TAFA5: variants seen among roughly 807,000 people sequenced by gnomAD.
The protein encoded by TAFA5 is TAFA chemokine like family member 5, also known as chemokine-like protein TAFA-5.
In TAFA5, 6 loss-of-function variants were observed where a neutral mutation model predicts 15.3. The ratio of observed to expected loss-of-function variants is 0.39; its 90% CI spans 0.21 to 0.77. The LOEUF is 0.77. Ranked by LOEUF, TAFA5 falls within the 30% of genes least tolerant of loss-of-function variation. The pLI, the probability that TAFA5 is intolerant of heterozygous loss-of-function variation, is 0.41. For missense variants in TAFA5, 161 were observed against 193.1 expected (o/e 0.83, Z 0.98); for synonymous variants, 103 against 80.7 (o/e 1.28, Z -1.48).
chr22:48,614,642 A>G (rs1925531556), intron 1 of TAFA5, among the ~76,000 whole-genome samples: 1 of 152,196 alleles, frequency 6.6e-6, no homozygotes, highest in Non-Finnish European at 1.5e-5. Context: ...GCTGGGAAAC[A>G]TGCTGTAGGT....
At position 48,560,610 on chromosome 22, in the gene TAFA5, T is replaced by A. The variant is rs1407287216; in HGVS notation, c.112+70906T>A. ...ATTATTATATTATTATTATTAATTA[T>A]TTATTTATTTATTTTTGAGATGGAG... On this transcript the variant is annotated intron_variant, in intron 1 of 3. Coordinates refer to ENST00000402357, the MANE Select transcript of TAFA5 (RefSeq NM_001082967.3). The surrounding 1 kb of genome is among the most constrained non-coding windows in gnomAD (Gnocchi z 4.2). 6.7e-6 allele frequency among the ~76,000 whole-genome samples: 1 copy of A among 149,974 alleles called. No homozygotes were observed.
chr22:48,515,591 A>G (rs1045381324), intron 1 of TAFA5, among the ~76,000 whole-genome samples: 1 of 151,040 alleles, frequency 6.6e-6, no homozygotes, highest in Admixed American at 6.6e-5. Context: ...TTCCTCAGGG[A>G]CCTCTCTTTT....
At chr22:48,746,364 C>T (rs1930328200) in intron 3 of TAFA5, among the ~76,000 whole-genome samples, 2 of 152,098 alleles carry the variant, frequency 1.3e-5, no homozygotes, top group Admixed American at 6.5e-5. Flanking sequence ...CATGGTGGCA[C>T]GTGCCTGTGG....
intron 1 of TAFA5, among the ~76,000 whole-genome samples, chr22:48,592,989 G>A (rs1351305666): frequency 6.6e-6 from 1 of 152,102 alleles, no homozygotes; most frequent in Non-Finnish European, 1.5e-5. Context: ...CCTGGACCAG[G>A]GCCTCTTCAG....
At chr22:48,624,096 G>T (rs1451635407) in intron 1 of TAFA5, among the ~76,000 whole-genome samples, 1 of 152,208 alleles carries the variant, frequency 6.6e-6, no homozygotes, top group Non-Finnish European at 1.5e-5. Flanking sequence ...CAGTTGCTCA[G>T]ACTTTCCGTG....
chr22:48,583,459 A>G (rs1924176626), intron 1 of TAFA5, among the ~76,000 whole-genome samples: 1 of 146,210 alleles, frequency 6.8e-6, no homozygotes, highest in African/African-American at 2.5e-5. Flanking sequence ...CACAAAATAT[A>G]CACATACCAC....
chr22:48,491,839 C>CCT (rs776276062), intron 1 of TAFA5, among the ~76,000 whole-genome samples: 7 of 152,228 alleles, frequency 4.6e-5, no homozygotes, highest in Non-Finnish European at 8.8e-5. Flanking sequence ...CACACTCATC[C>CCT]CTCCTCCTTA....
chr22:48,556,584 G>T (rs969205204), intron 1 of TAFA5, among the ~76,000 whole-genome samples: 2 of 152,258 alleles, frequency 1.3e-5, no homozygotes, highest in Non-Finnish European at 2.9e-5. Context: ...GTCCCGAAGA[G>T]GCGCTGGGGC....
chr22:48,655,750 G>A (rs1927214697), intron 2 of TAFA5, among the ~76,000 whole-genome samples: 1 of 151,856 alleles, frequency 6.6e-6, no homozygotes, highest in Non-Finnish European at 1.5e-5. Context: ...AGCGCTCTGA[G>A]CTGTGGGCAG....
chr22:48,737,832 C>G (rs1930074054), intron 3 of TAFA5, among the ~76,000 whole-genome samples: 1 of 152,166 alleles, frequency 6.6e-6, no homozygotes, highest in Admixed American at 6.5e-5. Context: ...GGGCGGCTTC[C>G]ACCTCCCAGG....
intron 1 of TAFA5, among the ~76,000 whole-genome samples, chr22:48,601,178 A>G (rs1289994662): frequency 1.3e-5 from 2 of 152,226 alleles, no homozygotes; most frequent in African/African-American, 2.4e-5. Context: ...GTAGAGGACA[A>G]AACGTGGTGT....
chr22:48,527,850 A>G (rs1921832765), intron 1 of TAFA5, among the ~76,000 whole-genome samples: 1 of 152,182 alleles, frequency 6.6e-6, no homozygotes, highest in Admixed American at 6.5e-5. Flanking sequence ...TTTCACGGGT[A>G]GATGGAGCCC....
intron 2 of TAFA5, among the ~76,000 whole-genome samples, chr22:48,669,108 G>A (rs948597637): frequency 1.4e-4 from 22 of 152,182 alleles, no homozygotes; most frequent in Non-Finnish European, 2.5e-4. Context: ...AGGAGGCACC[G>A]TCTGTGAACC....
Position 48,646,624 on chromosome 22 carries a change from T to C in TAFA5, c.140T>C (p.Ile47Thr). Residue 47 changes from isoleucine (I) to threonine (T), a missense_variant, in exon 2 of 4, where the codon ATT becomes ACT. By Grantham distance (89) the Ile-to-Thr change is moderately conservative (BLOSUM62 -1). Coordinates refer to ENST00000402357, the MANE Select transcript of TAFA5 (RefSeq NM_001082967.3). ...CAGCTGGCCGCCGGCACCTGTGAGATTGTGACCTTGGACCGGGACAGCAGC... is the reference window on the plus strand; with the variant it reads ...CAGCTGGCCGCCGGCACCTGTGAGACTGTGACCTTGGACCGGGACAGCAGC... ...CSQLAAGTCE[I>T]VTLDRDSSQP... The C allele has an allele frequency of 6.2e-7, 1 of 1,612,512 alleles. No homozygotes were observed. Among genetic ancestry groups the C allele is most frequent in the Non-Finnish European group, 8.5e-7 (1 of 1,179,732 alleles).
At chr22:48,608,315 T>TC (rs1925274442) in intron 1 of TAFA5, among the ~76,000 whole-genome samples, 7 of 152,394 alleles carry the variant, frequency 4.6e-5, no homozygotes, top group African/African-American at 1.7e-4. Flanking sequence ...ATCAGCCATA[T>TC]TCACGATACC....
rs1050553822 is a variant in TAFA5, at chr22:48,490,159, A to G, written c.112+455A>G. On this transcript the variant is annotated intron_variant, in intron 1 of 3. Coordinates refer to ENST00000402357, the MANE Select transcript of TAFA5 (RefSeq NM_001082967.3). This position sits in a 1 kb window ranked among gnomAD's most constrained non-coding sequence, Gnocchi z 5.8. ...GAGGCGGCGGCCGAGCCCGGAGAGG[A>G]GCTCTTCAGGCAGGAGCCCAGCCTG... Among the ~76,000 whole-genome samples, 6 of 151,956 alleles carry G rather than the reference A, an allele frequency of 3.9e-5. No individual in the cohort carries two copies. The highest frequency in any genetic ancestry group is 2.6e-4 in the Admixed American group (4 of 15,276).
intron 1 of TAFA5, among the ~76,000 whole-genome samples, chr22:48,494,951 C>G (rs1474045613): frequency 1.3e-5 from 2 of 152,222 alleles, no homozygotes; most frequent in Non-Finnish European, 2.9e-5. Context: ...ACTTTTATCT[C>G]CAACTAGGCG....
At chr22:48,612,473 C>T (rs971060810) in intron 1 of TAFA5, among the ~76,000 whole-genome samples, 1 of 152,144 alleles carries the variant, frequency 6.6e-6, no homozygotes, top group African/African-American at 2.4e-5. Context: ...CTGTTGCCTT[C>T]CCTGGGGCCC....
rs1923204511 is a variant in TAFA5, at chr22:48,560,786, T to G, written c.112+71082T>G. On this transcript the variant is annotated intron_variant, in intron 1 of 3. Coordinates refer to ENST00000402357, the MANE Select transcript of TAFA5 (RefSeq NM_001082967.3). This position sits in a 1 kb window ranked among gnomAD's most constrained non-coding sequence, Gnocchi z 4.2. ...ACCACGCCTGGATAATTTTTTGTGTTTTTAGTAGAGATGGGGTTTCACCGT... is the reference window on the plus strand; with the variant it reads ...ACCACGCCTGGATAATTTTTTGTGTGTTTAGTAGAGATGGGGTTTCACCGT... 1.3e-5 allele frequency among the ~76,000 whole-genome samples: 2 copies of G among 151,816 alleles called. No individual in the cohort carries two copies. The highest frequency in any genetic ancestry group is 2.9e-5 in the Non-Finnish European group (2 of 67,992).
Sources: allele counts gnomAD v4.1 joint callset (sites outside exome capture counted in the v4.1 genomes callset), GRCh38; gene constraint gnomAD v4.1.1; non-coding constraint Gnocchi (gnomAD v3.1); transcripts MANE v1.5; gene names NCBI Gene and HGNC (gene_info 2026-07-23, HGNC 2026-07-21).